The following HDAC9 variants were observed in gnomAD, a reference collection of about 807,000 sequenced individuals.
The protein encoded by HDAC9 is histone deacetylase 9, also known as MEF-2 interacting transcription repressor (MITR) protein.
A neutral mutation model predicts 139.4 loss-of-function variants in HDAC9; 41 were observed. That is an observed-to-expected ratio of 0.29 (90% CI 0.23 to 0.38). The LOEUF (loss-of-function observed/expected upper bound fraction) is 0.38. Among genes scored for constraint, HDAC9 ranks in the 10% least tolerant of loss-of-function variants. HDAC9 has a pLI of 1.00. For missense variants in HDAC9, 1,147 were observed against 1,297.0 expected, an observed-to-expected ratio of 0.88 and a Z score of 1.78; for synonymous variants, 517 against 476.2, an observed-to-expected ratio of 1.09 and a Z score of -1.12.
chr7:18,327,309 T>G (rs1458485742), intron 1 of HDAC9: 1 of 151,922 alleles, frequency 6.6e-6, no homozygotes, highest in Non-Finnish European at 1.5e-5. Context: ...TATTTTTTAG[T>G]TTACATATCA....
intron 1 of HDAC9, among the ~76,000 whole-genome samples, chr7:18,374,050 G>A (rs912335506): frequency 2.0e-5 from 3 of 151,588 alleles, no homozygotes; most frequent in Non-Finnish European, 4.4e-5. Context: ...AATGTCACTA[G>A]TTCCCTCTCG....
At chr7:18,560,288 C>T (rs1820181054) in intron 2 of HDAC9, among the ~76,000 whole-genome samples, 1 of 152,130 alleles carries the variant, frequency 6.6e-6, no homozygotes, top group African/African-American at 2.4e-5. Context: ...TACTAAAGAC[C>T]TCTAGGAGTT....
intron 23 of HDAC9, among the ~76,000 whole-genome samples, chr7:18,937,385 T>TA (rs1246677996): frequency 6.6e-6 from 1 of 152,156 alleles, no homozygotes; most frequent in Non-Finnish European, 1.5e-5. Flanking sequence ...TGTAATTATC[T>TA]AATGATTAGT....
chr7:19,001,114 T>C lies in HDAC9; in HGVS notation c.*5052T>C, dbSNP rs1242018818. 6.6e-6 allele frequency: 1 copy of C among 152,226 alleles called. No homozygotes were observed. The highest frequency in any genetic ancestry group is 6.5e-5 in the Admixed American group (1 of 15,286). 9.4% of individuals were successfully genotyped at this position (152,226 alleles called of 1,614,324 possible). ...TTATTCTTTTTGTTTCAAACATAGT[T>C]TGCCATCATCTGGCTACTACCTAAT... On this transcript the variant is annotated 3_prime_UTR_variant, in exon 26 of 26. Coordinates refer to ENST00000686413, the MANE Select transcript of HDAC9 (RefSeq NM_178425.4).
At chr7:18,754,141 C>T (rs1788685780) in intron 14 of HDAC9, among the ~76,000 whole-genome samples, 1 of 151,950 alleles carries the variant, frequency 6.6e-6, no homozygotes, top group African/African-American at 2.4e-5. Flanking sequence ...AGTTAGTAGT[C>T]CTTCATGCCA....
At chr7:18,711,656 TCA>T (rs1343501490) in intron 12 of HDAC9, among the ~76,000 whole-genome samples, 1 of 152,188 alleles carries the variant, frequency 6.6e-6, no homozygotes, top group Non-Finnish European at 1.5e-5. Context: ...TTTACAATCC[TCA>T]GAGTGCAAAG....
At chr7:18,444,510 T>C (rs914028759) in intron 1 of HDAC9, among the ~76,000 whole-genome samples, 1 of 152,106 alleles carries the variant, frequency 6.6e-6, no homozygotes, top group African/African-American at 2.4e-5. Context: ...CCACTGTATA[T>C]CCCATACTCA....
intron 1 of HDAC9, among the ~76,000 whole-genome samples, chr7:18,372,829 G>A (rs982634695): frequency 1.6e-4 from 25 of 152,226 alleles, no homozygotes; most frequent in African/African-American, 6.0e-4. Flanking sequence ...GTTACAGATT[G>A]TAAAAAGGAC....
chr7:18,869,147 G>GGTGAGTGTGTGT (rs1798716774), intron 21 of HDAC9, among the ~76,000 whole-genome samples: 1 of 138,128 alleles, frequency 7.2e-6, no homozygotes, highest in African/African-American at 2.8e-5. Context: ...TCACAATTGG[G>GGTGAGTGTGTGT]GTGTGTGTGT....
At chr7:18,768,134 A>G (rs1390098783) in intron 16 of HDAC9, among the ~76,000 whole-genome samples, 1 of 152,172 alleles carries the variant, frequency 6.6e-6, no homozygotes, top group Non-Finnish European at 1.5e-5. Context: ...GAGGACTTAC[A>G]GTTTGCCGAC....
chr7:18,457,858 G>A (rs752269703), intron 1 of HDAC9, among the ~76,000 whole-genome samples: 2 of 152,082 alleles, frequency 1.3e-5, no homozygotes, highest in Non-Finnish European at 2.9e-5. Flanking sequence ...GTCTTATTCT[G>A]CCAGATGGGA....
In HDAC9 at chr7:18,632,426, G is replaced by A. The variant is rs1584383513; in HGVS notation, c.797-2201G>A. Among the ~76,000 whole-genome samples the A allele has an allele frequency of 6.6e-5, 10 of 152,164 alleles. 1 individual carries two copies. In the South Asian group the frequency reaches 2.1e-3, roughly 32 times the overall value. The stretch of plus-strand genomic sequence containing the variant: ...GTTGAGAGTTATAGGTGTTCTGAGA[G>A]AGGGTAAGAAAATATTGCTTGGAAA... On this transcript the variant is annotated intron_variant, in intron 7 of 25. Transcript: ENST00000686413.
At chr7:18,515,130 A>G (rs1250617288) in intron 2 of HDAC9, among the ~76,000 whole-genome samples, 1 of 152,198 alleles carries the variant, frequency 6.6e-6, no homozygotes, top group Non-Finnish European at 1.5e-5. Flanking sequence ...TTCTAAAGTC[A>G]TATTTTATTG....
intron 12 of HDAC9, among the ~76,000 whole-genome samples, chr7:18,673,446 T>A (rs1795778378): frequency 6.6e-6 from 1 of 152,044 alleles, no homozygotes; most frequent in African/African-American, 2.4e-5. Context: ...ACAGCCTAAG[T>A]AGAAAATGCA....
intron 2 of HDAC9, among the ~76,000 whole-genome samples, chr7:18,579,409 G>A (rs75366880): frequency 3.3e-3 from 499 of 152,292 alleles, no homozygotes; most frequent in African/African-American, 0.01. Context: ...GTTGAATATT[G>A]TTAAAGCAGA....
intron 1 of HDAC9, among the ~76,000 whole-genome samples, chr7:18,409,522 C>A (rs995665778): frequency 6.6e-6 from 1 of 152,156 alleles, no homozygotes; most frequent in Non-Finnish European, 1.5e-5. Flanking sequence ...CCTCTGCATT[C>A]CCTTCCCAAC....
intron 24 of HDAC9, among the ~76,000 whole-genome samples, chr7:18,957,926 G>A (rs1783271061): frequency 2.0e-5 from 3 of 152,158 alleles, no homozygotes. Flanking sequence ...CTTGTAGCAT[G>A]TGGGAAACAT....
chr7:18,990,590 C>T (rs1038822297), intron 25 of HDAC9, among the ~76,000 whole-genome samples: 16 of 152,234 alleles, frequency 1.1e-4, no homozygotes, highest in Non-Finnish European at 1.6e-4. Flanking sequence ...TTTGAGCTTC[C>T]AGGCTGCTTT....
intron 2 of HDAC9, among the ~76,000 whole-genome samples, chr7:18,519,788 T>G (rs995584572): frequency 1.2e-4 from 19 of 152,146 alleles, no homozygotes; most frequent in Non-Finnish European, 2.6e-4. Flanking sequence ...ATAATTTATG[T>G]ACCAGGATAT....
Sources: gnomAD v4.1 joint callset for allele counts (sites outside exome capture counted in the v4.1 genomes callset) on GRCh38, gnomAD v4.1.1 for gene constraint, MANE v1.5 for transcripts, NCBI Gene and HGNC (gene_info 2026-07-23, HGNC 2026-07-21) for gene names.